The following PIK3R1 variants were observed in gnomAD, a reference collection of about 807,000 sequenced individuals.
PIK3R1 encodes phosphatidylinositol 3-kinase regulatory subunit alpha.
In PIK3R1, 29 loss-of-function variants were observed where a neutral mutation model predicts 98.0. That is an observed-to-expected ratio of 0.30 (90% CI 0.22 to 0.40). PIK3R1 has a LOEUF of 0.40. PIK3R1 is among the 10% of genes least tolerant of loss of function. The pLI is 1.00. For synonymous variants in PIK3R1, 282 were observed against 311.8 expected (o/e 0.90, Z 1.01); for missense variants, 596 against 872.7 (o/e 0.68, Z 3.99).
In PIK3R1 at chr5:68,279,566, A is replaced by C. The variant is rs753499112; in HGVS notation, c.503-36A>C. The C allele has an allele frequency of 3.2e-6, 5 of 1,586,444 alleles. No individual in the cohort carries two copies. In the South Asian group the frequency reaches 5.6e-5, roughly 18 times the overall value. ...TAGCCCAACTGATGTATTCTATAAA[A>C]TAAATGTCTGAAATATTTCTTAAAT... On this transcript the variant is annotated intron_variant, in intron 4 of 15. Transcript: ENST00000521381.
At chr5:68,270,173 G>C (rs914803312) in intron 2 of PIK3R1, among the ~76,000 whole-genome samples, 13 of 152,216 alleles carry the variant, frequency 8.5e-5, no homozygotes, top group Admixed American at 2.6e-4. Flanking sequence ...TCCAACACCT[G>C]AATGAGTAAT....
chr5:68,225,906 G>T (rs1016201358), intron 1 of PIK3R1, among the ~76,000 whole-genome samples: 4 of 152,074 alleles, frequency 2.6e-5, no homozygotes, highest in African/African-American at 9.7e-5. Context: ...ACTAGCGTCC[G>T]ACCACACATG....
At chr5:68,270,301 T>G (rs1006136092) in intron 2 of PIK3R1, among the ~76,000 whole-genome samples, 6 of 152,216 alleles carry the variant, frequency 3.9e-5, no homozygotes, top group Admixed American at 2.0e-4. Context: ...TAAAAAATTT[T>G]TTCAAGCTTA....
At chr5:68,257,607 C>T (rs747314099) in intron 2 of PIK3R1, among the ~76,000 whole-genome samples, 1 of 152,198 alleles carries the variant, frequency 6.6e-6, no homozygotes, top group Non-Finnish European at 1.5e-5. Flanking sequence ...CTTTGTTAGA[C>T]AATTTTTGCA....
intron 2 of PIK3R1, among the ~76,000 whole-genome samples, chr5:68,269,414 GCT>G (rs1746256724): frequency 6.6e-6 from 1 of 152,168 alleles, no homozygotes; most frequent in Admixed American, 6.5e-5. Flanking sequence ...GGAGGATGGT[GCT>G]CTGTTAATTT....
chr5:68,274,222 C>T (rs1010196978), intron 4 of PIK3R1, among the ~76,000 whole-genome samples: 1 of 152,196 alleles, frequency 6.6e-6, no homozygotes, highest in African/African-American at 2.4e-5. Flanking sequence ...AGTGTGTGCA[C>T]GCCTCCCTGC....
At chr5:68,284,881 A>G (rs1255791609) in intron 7 of PIK3R1, among the ~76,000 whole-genome samples, 1 of 152,242 alleles carries the variant, frequency 6.6e-6, no homozygotes, top group East Asian at 1.9e-4. Flanking sequence ...TTACAGAGGG[A>G]AGCTAAGATT....
At chr5:68,281,452 C>G (rs1746833248) in intron 7 of PIK3R1, among the ~76,000 whole-genome samples, 1 of 152,150 alleles carries the variant, frequency 6.6e-6, no homozygotes, top group South Asian at 2.1e-4. Context: ...TTCAATAATG[C>G]AAGCAGTATG....
chr5:68,221,176 A>C (rs747211082), intron 1 of PIK3R1, among the ~76,000 whole-genome samples: 6 of 152,222 alleles, frequency 3.9e-5, no homozygotes, highest in Non-Finnish European at 8.8e-5. Flanking sequence ...AGCCTCCAGA[A>C]CCAAATATAC....
At chr5:68,239,475 G>A (rs556867753) in intron 2 of PIK3R1, among the ~76,000 whole-genome samples, 2 of 152,012 alleles carry the variant, frequency 1.3e-5, no homozygotes, top group Admixed American at 6.5e-5. Context: ...TATTTTTCAG[G>A]TACTGCACTA....
intron 2 of PIK3R1, among the ~76,000 whole-genome samples, chr5:68,233,924 G>A (rs7725370): frequency 0.58 from 87,598 of 151,332 alleles, 26,768 homozygotes; most frequent in African/African-American, 0.79. Flanking sequence ...GTATTTGTCT[G>A]TCTATCTATT....
intron 2 of PIK3R1, among the ~76,000 whole-genome samples, chr5:68,230,742 C>T (rs1744433883): frequency 1.3e-5 from 2 of 152,172 alleles, no homozygotes; most frequent in South Asian, 2.1e-4. Context: ...AAATTCTGTG[C>T]CCTTTCTCCC....
At position 68,280,542 on chromosome 5, in the gene PIK3R1, GA is replaced by G; in HGVS notation, c.651del (p.Glu218AsnfsTer6). The G allele has an allele frequency of 6.3e-7, 1 of 1,591,990 alleles. No individual in the cohort carries two copies. Among genetic ancestry groups the G allele is most frequent in the Non-Finnish European group, 8.6e-7 (1 of 1,162,444 alleles). On this transcript the variant is annotated frameshift_variant, in exon 6 of 16. Coordinates refer to ENST00000521381, the MANE Select transcript of PIK3R1 (RefSeq NM_181523.3). LOFTEE classifies it high-confidence loss of function. ...TAAACTTGTAGAAGTACAAAGCTCC[GA>G]AGAATATATTCAGCTATTGAAGAAG... ...ISLAPEVQSS[E>X]EYIQLLKKLI... is the part of the protein sequence containing the mutation.
In PIK3R1 at chr5:68,301,688, TG is replaced by T. The variant is rs1359076169; in HGVS notation, c.*4093del. 1.9e-5 allele frequency: 2 copies of T among 107,656 alleles called. No homozygotes were observed. Among genetic ancestry groups the T allele is most frequent in the Non-Finnish European group, 1.8e-5 (1 of 55,160 alleles). The allele number at this position is 107,656 out of a possible 1,614,324, so 6.7% of individuals were successfully genotyped here. ...CTTTGCCTTCACAAGGCAACTGGGG[TG>T]GGGGGTGGGGGTAGTGTGCCTCCTT... On this transcript the variant is annotated 3_prime_UTR_variant, in exon 16 of 16. Coordinates refer to ENST00000521381, the MANE Select transcript of PIK3R1 (RefSeq NM_181523.3).
intron 8 of PIK3R1, chr5:68,292,617 A>T: frequency 2.1e-6 from 3 of 1,442,274 alleles, no homozygotes; most frequent in Non-Finnish European, 2.8e-6. Context: ...GGCACTGCCT[A>T]AGAACAGAGT....
In PIK3R1 at chr5:68,253,443, G is replaced by T. The variant is rs140998161; in HGVS notation, c.335-19947G>T. ...AACAAATATTCTTGGGAAGAAACTG[G>T]GTTTGTGAGTACTTGGCTAGAAATT... On this transcript the variant is annotated intron_variant, in intron 2 of 15. Coordinates refer to ENST00000521381, the MANE Select transcript of PIK3R1 (RefSeq NM_181523.3). Among the ~76,000 whole-genome samples, 701 of 152,256 alleles carry T rather than the reference G, an allele frequency of 4.6e-3. 6 individuals are homozygous for T. The highest frequency in any genetic ancestry group is 0.016 in the African/African-American group (676 of 41,560).
In PIK3R1 at chr5:68,298,624, C is replaced by G. The variant is rs1747860418; in HGVS notation, c.*1023C>G. On this transcript the variant is annotated 3_prime_UTR_variant, in exon 16 of 16. Transcript: ENST00000521381. ...AACTATGAAATATTTTACAGTTTTT[C>G]TTGTACAGAGTACTTGGCTGTTAGC... The G allele has an allele frequency of 4.3e-6, 1 of 231,568 alleles. No individual in the cohort carries two copies. Among genetic ancestry groups the G allele is most frequent in the Non-Finnish European group, 8.5e-6 (1 of 117,476 alleles). 14.3% of individuals were successfully genotyped at this position (231,568 alleles called of 1,614,324 possible). A position where few individuals can be genotyped will look rare whatever the true frequency, so the allele number is the denominator to read the frequency against.
At chr5:68,276,671 G>A (rs1476603742) in intron 4 of PIK3R1, among the ~76,000 whole-genome samples, 2 of 152,234 alleles carry the variant, frequency 1.3e-5, no homozygotes, top group African/African-American at 4.8e-5. Flanking sequence ...GCAGAAGTCA[G>A]ATAAATAGAA....
chr5:68,270,298 T>A (rs1438013692), intron 2 of PIK3R1, among the ~76,000 whole-genome samples: 1 of 152,272 alleles, frequency 6.6e-6, no homozygotes, highest in East Asian at 1.9e-4. Flanking sequence ...TTTTAAAAAA[T>A]TTTTTCAAGC....
Sources: gnomAD v4.1 joint callset for allele counts (sites outside exome capture counted in the v4.1 genomes callset) on GRCh38, gnomAD v4.1.1 for gene constraint, MANE v1.5 for transcripts, NCBI Gene and HGNC (gene_info 2026-07-23, HGNC 2026-07-21) for gene names.